NHERF2: variants seen among roughly 807,000 people sequenced by gnomAD.
The protein encoded by NHERF2 is Na(+)/H(+) exchange regulatory cofactor NHE-RF2.
chr16:2,028,866 C>G, the NHERF2 span, among the ~76,000 whole-genome samples: 1 of 152,198 alleles, frequency 6.6e-6, no homozygotes, highest in Admixed American at 6.5e-5. Flanking sequence ...GGCACCTGCA[C>G]GCACACACCG....
the NHERF2 span, chr16:2,037,411 C>T: frequency 5.4e-6 from 5 of 922,358 alleles, no homozygotes; most frequent in African/African-American, 6.6e-5. Flanking sequence ...TGGAGTCCAC[C>T]AGAGGCCCGA....
chr16:2,033,655 G>A, the NHERF2 span, among the ~76,000 whole-genome samples: 1 of 152,234 alleles, frequency 6.6e-6, no homozygotes, highest in Non-Finnish European at 1.5e-5. Flanking sequence ...TGGGGGACCA[G>A]GGATGGTCCA....
chr16:2,029,932 TGGCCACTGGG>T, the NHERF2 span: 1 of 690,896 alleles, frequency 1.4e-6, no homozygotes, highest in Non-Finnish European at 2.4e-6. Flanking sequence ...ACCATCTTGT[TGGCCACTGGG>T]GGCCACTGTT....
At chr16:2,029,225 C>G in the NHERF2 span, among the ~76,000 whole-genome samples, 2 of 152,308 alleles carry the variant, frequency 1.3e-5, no homozygotes, top group Non-Finnish European at 2.9e-5. Flanking sequence ...AGACTGAAAA[C>G]CTGAAGGTCC....
chr16:2,032,921 T>G, the NHERF2 span: 2 of 1,071,654 alleles, frequency 1.9e-6, no homozygotes, highest in Non-Finnish European at 2.3e-6. This position sits in a 1 kb window ranked among gnomAD's most constrained non-coding sequence, Gnocchi z 4.0. Context: ...AGAGCAGGTG[T>G]GAGGGGTGAC....
At chr16:2,032,644 G>A in the NHERF2 span, among the ~76,000 whole-genome samples, 77 of 152,326 alleles carry the variant, frequency 5.1e-4, no homozygotes, top group African/African-American at 1.8e-3. The surrounding 1 kb of genome is among the most constrained non-coding windows in gnomAD (Gnocchi z 4.0). Context: ...AGGGGAGGTG[G>A]GCAGGGGAGG....
At chr16:2,036,410 T>G in the NHERF2 span, 2 of 1,609,428 alleles carry the variant, frequency 1.2e-6, no homozygotes, top group South Asian at 2.2e-5. Context: ...ACCTGCATAG[T>G]GACAAGTCCC....
the NHERF2 span, chr16:2,027,099 C>A: frequency 6.8e-7 from 1 of 1,465,080 alleles, no homozygotes; most frequent in Non-Finnish European, 9.0e-7. Context: ...GAAGGGCCGC[C>A]GCGGGCAGTT....
the NHERF2 span, among the ~76,000 whole-genome samples, chr16:2,028,356 A>AG: frequency 6.6e-6 from 1 of 152,142 alleles, no homozygotes; most frequent in African/African-American, 2.4e-5. Flanking sequence ...TGAGGGATTG[A>AG]GGGTAGGGCT....
chr16:2,032,128 TTA>T, the NHERF2 span, among the ~76,000 whole-genome samples: 1 of 151,766 alleles, frequency 6.6e-6, no homozygotes, highest in African/African-American at 2.4e-5. The surrounding 1 kb of genome is among the most constrained non-coding windows in gnomAD (Gnocchi z 4.0). Context: ...CAAGCAATTC[TTA>T]TGTCTCAGCC....
At chr16:2,035,770 C>G in the NHERF2 span, 2 of 785,562 alleles carry the variant, frequency 2.5e-6, no homozygotes, top group Non-Finnish European at 3.1e-6. Flanking sequence ...CCTGTCCACA[C>G]TAAGCTCCTG....
At chr16:2,029,534 G>A in the NHERF2 span, 6 of 1,518,152 alleles carry the variant, frequency 4.0e-6, no homozygotes, top group Non-Finnish European at 5.4e-6. Flanking sequence ...CCCATGTGCT[G>A]CCCGGAATGT....
At chr16:2,036,034 C>A in the NHERF2 span, 1 of 436,084 alleles carries the variant, frequency 2.3e-6, no homozygotes. Flanking sequence ...TTCCTCCCAC[C>A]CTGCCTGTGC....
chr16:2,031,681 C>G, the NHERF2 span, among the ~76,000 whole-genome samples: 1 of 152,146 alleles, frequency 6.6e-6, no homozygotes, highest in African/African-American at 2.4e-5. Context: ...TCCAGGAGGT[C>G]AGGGGGCACC....
At chr16:2,034,802 A>G in the NHERF2 span, among the ~76,000 whole-genome samples, 409 of 108,118 alleles carry the variant, frequency 3.8e-3, 1 homozygote, top group African/African-American at 4.5e-3. Context: ...CCCGAACTGG[A>G]CTCCTGTCCC....
chr16:2,035,615 C>T, the NHERF2 span: 6 of 986,308 alleles, frequency 6.1e-6, no homozygotes, highest in African/African-American at 3.5e-5. Flanking sequence ...TGGCCCACCC[C>T]CTGGCTGGGA....
the NHERF2 span, chr16:2,037,101 T>C: frequency 7.4e-7 from 1 of 1,354,386 alleles, no homozygotes; most frequent in Non-Finnish European, 1.0e-6. Context: ...GGTGTGCTAG[T>C]GACACCCGAT....
chr16:2,032,920 G>T, the NHERF2 span: 1 of 1,075,312 alleles, frequency 9.3e-7, no homozygotes, highest in Non-Finnish European at 1.1e-6. The surrounding 1 kb of genome is among the most constrained non-coding windows in gnomAD (Gnocchi z 4.0). Context: ...AAGAGCAGGT[G>T]TGAGGGGTGA....
chr16:2,031,900 C>G, the NHERF2 span, among the ~76,000 whole-genome samples: 2 of 151,962 alleles, frequency 1.3e-5, no homozygotes, highest in African/African-American at 4.8e-5. Flanking sequence ...CCATGTTGCT[C>G]AAGCTGGTCT....
Sources: allele counts gnomAD v4.1 joint callset (sites outside exome capture counted in the v4.1 genomes callset), GRCh38; gene constraint gnomAD v4.1.1; non-coding constraint Gnocchi (gnomAD v3.1); transcripts MANE v1.5; gene names NCBI Gene and HGNC (gene_info 2026-07-23, HGNC 2026-07-21).